Variants in ROBO1 observed in about 807,000 individuals in gnomAD.
ROBO1 encodes roundabout guidance receptor 1, also known as roundabout homolog 1.
A neutral mutation model predicts 195.9 loss-of-function variants in ROBO1; 149 were observed. The ratio of observed to expected loss-of-function variants is 0.76; its 90% CI spans 0.67 to 0.87. The LOEUF is 0.87. Among genes scored for constraint, ROBO1 ranks in the 40% least tolerant of loss-of-function variants. The pLI is 0.00. For missense variants in ROBO1, 1,933 were observed against 2,068.3 expected, an observed-to-expected ratio of 0.93 and a Z score of 1.27; for synonymous variants, 816 against 733.2, an observed-to-expected ratio of 1.11 and a Z score of -1.82.
At chr3:79,322,015 G>A (rs1490251425) in intron 2 of ROBO1, among the ~76,000 whole-genome samples, 1 of 152,086 alleles carries the variant, frequency 6.6e-6, no homozygotes, top group African/African-American at 2.4e-5. Flanking sequence ...ATTTTTAAAA[G>A]GTCCTAAGAT....
intron 3 of ROBO1, among the ~76,000 whole-genome samples, chr3:79,056,321 C>T (rs1273522261): frequency 6.6e-6 from 1 of 152,006 alleles, no homozygotes; most frequent in Non-Finnish European, 1.5e-5. Context: ...TTTCCCCAGG[C>T]CTATATTCTT....
intron 1 of ROBO1, among the ~76,000 whole-genome samples, chr3:79,633,716 G>A (rs1325305187): frequency 1.3e-5 from 1 of 78,536 alleles, no homozygotes; most frequent in African/African-American, 5.0e-5. Flanking sequence ...ATACATACTT[G>A]AATAGTGATT....
At chr3:78,811,976 A>G (rs2084756933) in intron 4 of ROBO1, among the ~76,000 whole-genome samples, 1 of 152,108 alleles carries the variant, frequency 6.6e-6, no homozygotes, top group African/African-American at 2.4e-5. Context: ...CATTCACAGT[A>G]GGAACTATTT....
At chr3:79,293,252 T>C (rs2032366992) in intron 2 of ROBO1, among the ~76,000 whole-genome samples, 1 of 152,228 alleles carries the variant, frequency 6.6e-6, no homozygotes, top group Non-Finnish European at 1.5e-5. Flanking sequence ...TTATTGTGTC[T>C]ATTTGATTCT....
At chr3:78,816,319 A>T (rs1042361579) in intron 4 of ROBO1, among the ~76,000 whole-genome samples, 3 of 151,402 alleles carry the variant, frequency 2.0e-5, no homozygotes, top group African/African-American at 7.3e-5. Context: ...GCAAAAAAAT[A>T]TTCCTTTCAA....
chr3:79,454,170 C>A (rs1476789723), intron 2 of ROBO1, among the ~76,000 whole-genome samples: 1 of 147,386 alleles, frequency 6.8e-6, no homozygotes, highest in Non-Finnish European at 1.5e-5. Context: ...GCAGAGCTTG[C>A]CACAGAGAGT....
chr3:79,546,796 C>A (rs1942279489), intron 2 of ROBO1, among the ~76,000 whole-genome samples: 1 of 152,102 alleles, frequency 6.6e-6, no homozygotes, highest in Admixed American at 6.5e-5. Context: ...TAAATACTTA[C>A]CAAGGGCAGT....
chr3:78,638,248 C>G (rs1481086736), intron 22 of ROBO1, among the ~76,000 whole-genome samples: 1 of 135,288 alleles, frequency 7.4e-6, no homozygotes, highest in African/African-American at 2.9e-5. Flanking sequence ...TGTGTATACA[C>G]ACATACATAT....
At chr3:79,357,007 G>T (rs1269602021) in intron 2 of ROBO1, among the ~76,000 whole-genome samples, 1 of 152,056 alleles carries the variant, frequency 6.6e-6, no homozygotes, top group Admixed American at 6.6e-5. Flanking sequence ...ATATGAGTTG[G>T]GAAATTCAGG....
chr3:79,305,241 C>A (rs548039100), intron 2 of ROBO1, among the ~76,000 whole-genome samples: 3 of 152,226 alleles, frequency 2.0e-5, no homozygotes, highest in Non-Finnish European at 4.4e-5. Flanking sequence ...AATCCCAACA[C>A]TTTGAGAGGC....
chr3:79,191,889 A>T (rs189950459), intron 2 of ROBO1, among the ~76,000 whole-genome samples: 3 of 151,654 alleles, frequency 2.0e-5, no homozygotes, highest in African/African-American at 7.2e-5. Context: ...TGGGACAAGG[A>T]CTTACATTCA....
rs547536967 is a variant in ROBO1 at position 79,239,740 on chromosome 3, C to G, written c.89-114201G>C. Among the ~76,000 whole-genome samples the G allele has an allele frequency of 1.3e-3, 205 of 152,260 alleles. 1 individual carries two copies. The highest frequency in any genetic ancestry group is 4.7e-3 in the African/African-American group (197 of 41,564). ...CAATACATTGCATTCTCTTTTACAT[C>G]TGTTTGATCTTTTCACGTTCCCAAA... On this transcript the variant is annotated intron_variant, in intron 2 of 30. Transcript: ENST00000464233.
At chr3:79,205,414 C>T (rs1337181396) in intron 2 of ROBO1, among the ~76,000 whole-genome samples, 1 of 152,154 alleles carries the variant, frequency 6.6e-6, no homozygotes, top group Non-Finnish European at 1.5e-5. Context: ...TCCATTTAAT[C>T]ACCCAGATAA....
chr3:78,801,481 A>C (rs1223831104), intron 4 of ROBO1, among the ~76,000 whole-genome samples: 1 of 152,116 alleles, frequency 6.6e-6, no homozygotes, highest in Non-Finnish European at 1.5e-5. Context: ...AATTCTCCTT[A>C]CACTTCTATC....
intron 1 of ROBO1, among the ~76,000 whole-genome samples, chr3:79,691,631 C>A (rs1947300395): frequency 6.6e-6 from 1 of 151,694 alleles, no homozygotes; most frequent in Non-Finnish European, 1.5e-5. Flanking sequence ...ACTGTGCATC[C>A]AATATAAATG....
intron 2 of ROBO1, among the ~76,000 whole-genome samples, chr3:79,563,803 C>T (rs978404396): frequency 6.6e-6 from 1 of 151,942 alleles, no homozygotes; most frequent in African/African-American, 2.4e-5. Flanking sequence ...ATGCAGAAAA[C>T]TGGAACTTAA....
At chr3:79,418,400 A>T (rs1052562109) in intron 2 of ROBO1, among the ~76,000 whole-genome samples, 5 of 152,154 alleles carry the variant, frequency 3.3e-5, no homozygotes, top group Non-Finnish European at 7.4e-5. Context: ...ATAAAGATAT[A>T]TGTGGCCTGA....
intron 3 of ROBO1, among the ~76,000 whole-genome samples, chr3:78,958,075 G>C (rs752320390): frequency 9.2e-5 from 14 of 152,148 alleles, no homozygotes; most frequent in Non-Finnish European, 1.9e-4. Context: ...TGTCATTAAT[G>C]TTAGGACAAT....
chr3:79,527,795 A>T lies in ROBO1; in HGVS notation c.88+62029T>A, dbSNP rs539525472. On this transcript the variant is annotated intron_variant, in intron 2 of 30. Coordinates refer to ENST00000464233, the MANE Select transcript of ROBO1 (RefSeq NM_002941.4). ...TAGTACTGTTTGAGTTCTCTCATTC[A>T]ATTTGATTTGCTTACGTTTTCTTAC... 6 of 18,730 alleles carry T rather than the reference A, an allele frequency of 3.2e-4. No homozygotes were observed. In the East Asian group the frequency reaches 7.4e-3, roughly 23 times the overall value. 1.2% of individuals were successfully genotyped at this position (18,730 alleles called of 1,614,324 possible). A position where few individuals can be genotyped will look rare whatever the true frequency, so the allele number is the denominator to read the frequency against.
Sources: gnomAD v4.1 joint callset for allele counts (sites outside exome capture counted in the v4.1 genomes callset) on GRCh38, gnomAD v4.1.1 for gene constraint, MANE v1.5 for transcripts, NCBI Gene and HGNC (gene_info 2026-07-23, HGNC 2026-07-21) for gene names.